USP35: variants seen among roughly 807,000 people sequenced by gnomAD.
USP35 encodes the protein ubiquitin specific peptidase 35.
Under a neutral mutation model 83.8 loss-of-function variants are expected in USP35, and 69 were observed. The observed-to-expected ratio is 0.82, with a 90% CI of 0.68 to 1.01. The LOEUF is 1.01. Ranked by LOEUF, USP35 falls within the 50% of genes least tolerant of loss-of-function variation. The pLI is 0.00. For missense variants in USP35, 1,503 were observed against 1,362.5 expected, an observed-to-expected ratio of 1.10 and a Z score of -1.62; for synonymous variants, 714 against 589.5, an observed-to-expected ratio of 1.21 and a Z score of -3.06.
rs1863695569 is a variant in USP35 at position 78,210,097 on chromosome 11, T to G, written c.2242T>G (p.Ser748Ala). The G allele has an allele frequency of 6.2e-7, 1 of 1,613,834 alleles. No homozygotes were observed. Among genetic ancestry groups the G allele is most frequent in the African/African-American group, 1.3e-5 (1 of 74,892 alleles). ...AGTHPDAAIP[S>A]GERTCGSEGS... is the part of the protein sequence containing the mutation. Reference sequence around the variant, plus strand: ...GACCCACCCGGATGCTGCCATCCCCTCCGGGGAGCGGACATGTGGCTCTGA... The same window carrying G: ...GACCCACCCGGATGCTGCCATCCCCGCCGGGGAGCGGACATGTGGCTCTGA... Residue 748 changes from serine (S) to alanine (A), a missense_variant, in exon 10 of 11, where the codon TCC becomes GCC. Transcript: ENST00000529308.
chr11:78,222,155 G>A, the USP35 span: 44 of 1,613,870 alleles, frequency 2.7e-5, no homozygotes, highest in Non-Finnish European at 3.4e-5. Context: ...GGAGTTCATC[G>A]ATGACGGTGT....
Position 78,215,126 on chromosome 11 carries a change from G to A in USP35, c.*1313G>A, listed in dbSNP as rs1284407318. Among the ~76,000 whole-genome samples, 2 of 152,176 alleles carry A rather than the reference G, an allele frequency of 1.3e-5. No individual in the cohort carries two copies. The highest frequency in any genetic ancestry group is 2.9e-5 in the Non-Finnish European group (2 of 68,032). On this transcript the variant is annotated 3_prime_UTR_variant, in exon 11 of 11. Transcript: ENST00000529308. ...AAGAAAGCTGGATGGGTAAATGCTA[G>A]TATGATTTCCACTTTACAACAGACG... is the stretch of plus-strand genomic sequence containing the variant.
At chr11:78,205,512 A>G (rs1004513460) in intron 6 of USP35, among the ~76,000 whole-genome samples, 4 of 152,222 alleles carry the variant, frequency 2.6e-5, no homozygotes, top group African/African-American at 9.7e-5. Context: ...GAGCTCTTTT[A>G]TAGCACATGC....
chr11:78,200,839 C>A (rs2137036977), intron 6 of USP35, 31 bp downstream of exon 6: 1 of 1,568,532 alleles, frequency 6.4e-7, no homozygotes, highest in South Asian at 1.2e-5. Flanking sequence ...TGGGCCTTGC[C>A]CCACTCTGAC....
chr11:78,207,092 G>C (rs1157556615), intron 7 of USP35: 2 of 159,090 alleles, frequency 1.3e-5, no homozygotes, highest in African/African-American at 4.8e-5. Context: ...AGCAGAGTCT[G>C]CTGCTCTGGA....
At chr11:78,226,620 G>GGGGGGGGGGGGGGGGGGGGGCCC in the USP35 span, 1 of 1,500,434 alleles carries the variant, frequency 6.7e-7, no homozygotes, top group Non-Finnish European at 9.3e-7. Context: ...GCGGGGTGGG[G>GGGGGGGGGGGGGGGGGGGGGCCC]GAGCTATGGC....
chr11:78,198,175 G>T, intron 3 of USP35, 107 bp downstream of exon 3: 1 of 1,510,626 alleles, frequency 6.6e-7, no homozygotes, highest in Non-Finnish European at 9.0e-7. Flanking sequence ...GGAGTCAGAG[G>T]GCCCAGGCCC....
chr11:78,207,738 G>A, intron 8 of USP35, 115 bp downstream of exon 8: 1 of 1,089,806 alleles, frequency 9.2e-7, no homozygotes, highest in African/African-American at 1.6e-5. Flanking sequence ...TCCCATGTCA[G>A]TTGCTGAGCC....
At chr11:78,227,162 G>A in the USP35 span, 2 of 689,180 alleles carry the variant, frequency 2.9e-6, no homozygotes, top group Non-Finnish European at 5.1e-6. Flanking sequence ...CTGTAAAATG[G>A]TGACTAAAAG....
Position 78,198,416 on chromosome 11 carries a change from G to A in USP35, c.806+348G>A, listed in dbSNP as rs1038441528. ...GGGTAAGAGGGTGAGAGTGCTTCACGAGGTGCTTTCTGAGTGGGGCAAACA... is the reference window on the plus strand; with the variant it reads ...GGGTAAGAGGGTGAGAGTGCTTCACAAGGTGCTTTCTGAGTGGGGCAAACA... On this transcript the variant is annotated intron_variant, in intron 3 of 10. Transcript: ENST00000529308. Among the ~76,000 whole-genome samples the A allele has an allele frequency of 4.6e-5, 7 of 152,218 alleles. No individual in the cohort carries two copies. In the East Asian group the frequency reaches 7.7e-4, roughly 17 times the overall value.
chr11:78,215,694 C>A (rs963625440), downstream of USP35: 1 of 152,348 alleles, frequency 6.6e-6, no homozygotes, highest in Non-Finnish European at 1.5e-5. Flanking sequence ...CAGCCTGGAT[C>A]TCTTGGGGAC....
chr11:78,213,593 T>C, intron 10 of USP35, 53 bp from the exon 11 acceptor site: 1 of 1,433,720 alleles, frequency 7.0e-7, no homozygotes. Flanking sequence ...AGACTCACTC[T>C]GGCTTCAGGG....
rs746188211 is a variant in USP35, at chr11:78,200,740, G to C, written c.1129G>C (p.Val377Leu). ...CTGCCTGGAGCAGCTGGCGGAGCTGGTCCACTGCATGGTGTTCCGGTTCCC... is the reference window on the plus strand; with the variant it reads ...CTGCCTGGAGCAGCTGGCGGAGCTGCTCCACTGCATGGTGTTCCGGTTCCC... The part of the protein sequence containing the change: ...TSCLEQLAEL[V>L]HCMVFRFPGF... The change falls in exon 6 of 11, where the codon GTC becomes CTC. Residue 377 changes from valine to leucine, a missense_variant. Coordinates refer to ENST00000529308, the MANE Select transcript of USP35 (RefSeq NM_020798.4). 6.2e-7 allele frequency: 1 copy of C among 1,614,188 alleles called. No individual in the cohort carries two copies. The highest frequency in any genetic ancestry group is 1.7e-5 in the Admixed American group (1 of 60,026).
chr11:78,202,951 G>C (rs1863402620), intron 6 of USP35, among the ~76,000 whole-genome samples: 1 of 152,190 alleles, frequency 6.6e-6, no homozygotes, highest in Non-Finnish European at 1.5e-5. Context: ...AAATGAGTGG[G>C]TTATTGTTTG....
chr11:78,206,113 C>T lies in USP35; in HGVS notation c.1391+78C>T, dbSNP rs866085110. On this transcript the variant is annotated intron_variant, in intron 7 of 10. Transcript: ENST00000529308. ...CCCTGATGACAGGTGGAAAGGTGTCCGGGGTGGGGGTTGGAGAGGGTGGGC... is the reference window on the plus strand; with the variant it reads ...CCCTGATGACAGGTGGAAAGGTGTCTGGGGTGGGGGTTGGAGAGGGTGGGC... 2.8e-4 allele frequency: 301 copies of T among 1,065,686 alleles called. 1 individual carries two copies. The Middle Eastern group carries it at 8.7e-3, about 31-fold the overall frequency. 66.0% of individuals were successfully genotyped at this position (1,065,686 alleles called of 1,614,324 possible).
At position 78,210,498 on chromosome 11, in the gene USP35, C is replaced by A. The variant is rs375401180; in HGVS notation, c.2643C>A (p.Ala881=). ...AARPAASLGT[A]DRPEPENQWY... Reference sequence around the variant, plus strand: ...GCCCTGCCGCTTCTCTGGGAACTGCCGATAGGCCAGAGCCCGAGAACCAGT... The same window carrying A: ...GCCCTGCCGCTTCTCTGGGAACTGCAGATAGGCCAGAGCCCGAGAACCAGT... The change falls in exon 10 of 11, where the codon GCC becomes GCA. Residue 881 remains alanine (A), a synonymous_variant. Coordinates refer to ENST00000529308, the MANE Select transcript of USP35 (RefSeq NM_020798.4). 6.2e-6 allele frequency: 10 copies of A among 1,614,130 alleles called. No homozygotes were observed. In the South Asian group the frequency reaches 1.1e-4, roughly 18 times the overall value.
rs1862914914 is a variant in USP35 at position 78,188,989 on chromosome 11, A to G, written c.-179A>G. On this transcript the variant is annotated 5_prime_UTR_variant, in exon 1 of 11. Transcript: ENST00000529308. ...GGCTTGTGCCAGGCGGGGTGGGAAG[A>G]CTGGATTTTGCAGTGGAAGCAGCAT... The G allele has an allele frequency of 1.0e-6, 1 of 980,206 alleles. No homozygotes were observed. Among genetic ancestry groups the G allele is most frequent in the Non-Finnish European group, 1.2e-6 (1 of 825,236 alleles). 60.7% of individuals were successfully genotyped at this position (980,206 alleles called of 1,614,324 possible). A position where few individuals can be genotyped will look rare whatever the true frequency, so the allele number is the denominator to read the frequency against.
intron 10 of USP35, among the ~76,000 whole-genome samples, chr11:78,212,739 G>A (rs1004500680): frequency 1.3e-5 from 2 of 152,266 alleles, no homozygotes; most frequent in African/African-American, 2.4e-5. Context: ...ATTGGTTTTT[G>A]TATGTATCAT....
chr11:78,200,129 G>C lies in USP35; in HGVS notation c.937-4G>C, dbSNP rs143676391. The C allele has an allele frequency of 1.2e-3, 1,992 of 1,614,196 alleles. 17 individuals are homozygous for C. The African/African-American group carries it at 0.023, about 18-fold the overall frequency. ...GGGACTCCTGACCAGGGACTCTCTT[G>C]TAGGTTTTCTCTAAGCTGCTGTACC... is the stretch of plus-strand genomic sequence containing the variant. On this transcript the variant is annotated splice_region_variant and splice_polypyrimidine_tract_variant and intron_variant, in intron 4 of 10. Coordinates refer to ENST00000529308, the MANE Select transcript of USP35 (RefSeq NM_020798.4).
Sources: allele counts gnomAD v4.1 joint callset (sites outside exome capture counted in the v4.1 genomes callset), GRCh38; gene constraint gnomAD v4.1.1; transcripts MANE v1.5; gene names NCBI Gene and HGNC (gene_info 2026-07-23, HGNC 2026-07-21).